CP: variants seen among roughly 807,000 people sequenced by gnomAD.
CP encodes the protein ceruloplasmin.
Under a neutral mutation model 122.4 loss-of-function variants are expected in CP, and 64 were observed. The ratio of observed to expected loss-of-function variants is 0.52; its 90% CI spans 0.43 to 0.64. The LOEUF (loss-of-function observed/expected upper bound fraction) is 0.64. Ranked by LOEUF, CP falls within the 30% of genes least tolerant of loss-of-function variation. CP has a pLI of 0.00. For synonymous variants in CP, 440 were observed against 436.4 expected (o/e 1.01, Z -0.10); for missense variants, 1,167 against 1,284.4 (o/e 0.91, Z 1.40).
At position 149,179,644 on chromosome 3, in the gene CP, A is replaced by G. The variant is rs1212304646; in HGVS notation, c.2573T>C (p.Val858Ala). 6.2e-7 allele frequency: 1 copy of G among 1,613,110 alleles called. No individual in the cohort carries two copies. The highest frequency in any genetic ancestry group is 1.1e-5 in the South Asian group (1 of 91,066). The change falls in exon 15 of 19, where the codon GTA becomes GCA. Residue 858 changes from valine (V) to alanine (A), a missense_variant. By Grantham distance (64) the Val-to-Ala change is moderately conservative. Transcript: ENST00000264613. ...PTLPGETLTYVWKIPERSGAG... is the reference protein window; with the variant it reads ...PTLPGETLTYAWKIPERSGAG... ...TCCAGATCTTTCTGGGATTTTCCAT[A>G]CGTAAGTGAGAGTTTCACCTAAATT...
chr3:149,179,529 T>C, intron 15 of CP, 27 bp downstream of exon 15: 1 of 1,542,394 alleles, frequency 6.5e-7, no homozygotes, highest in South Asian at 1.1e-5. Flanking sequence ...TTGGGAAGTG[T>C]CACAAAACAA....
At chr3:149,213,120 A>G (rs35364670) in intron 1 of CP, among the ~76,000 whole-genome samples, 1,534 of 152,336 alleles carry the variant, frequency 0.01, 24 homozygotes, top group African/African-American at 0.035. Flanking sequence ...TAATTAATCA[A>G]TCTGGATATT....
intron 1 of CP, among the ~76,000 whole-genome samples, chr3:149,215,053 G>A (rs1397722589): frequency 2.0e-5 from 3 of 152,164 alleles, no homozygotes; most frequent in Admixed American, 6.5e-5. Flanking sequence ...TTTTATTTCT[G>A]AGAGATTGAT....
chr3:149,199,566 A>G, intron 8 of CP, 146 bp downstream of exon 8: 1 of 978,136 alleles, frequency 1.0e-6, no homozygotes, highest in East Asian at 2.4e-5. Context: ...GAAGGGGTTT[A>G]TTTGTTTCCT....
intron 14 of CP, chr3:149,180,007 T>C (rs1175538580): frequency 1.8e-5 from 5 of 282,500 alleles, no homozygotes; most frequent in Admixed American, 1.4e-4. Flanking sequence ...TTTCCTAATA[T>C]ACTTTTTTCT....
At chr3:149,219,164 G>C (rs1386121630) in intron 1 of CP, among the ~76,000 whole-genome samples, 1 of 152,188 alleles carries the variant, frequency 6.6e-6, no homozygotes, top group Admixed American at 6.5e-5. Flanking sequence ...CACAGAGAAA[G>C]CAGTCCCACC....
In CP at chr3:149,183,547, C is replaced by A; in HGVS notation, c.2344G>T (p.Val782Phe). ...CTATCAGTATACTGCCGATACACAA[C>A]TTTCTTGTACTTTGAGCCTATGTAA... The part of the protein sequence containing the change: ...EFYIGSKYKK[V>F]VYRQYTDSTF... The change falls in exon 13 of 19, where the codon GTT (valine) becomes TTT (phenylalanine). Residue 782 changes from valine to phenylalanine, a missense_variant. This residue lies in a region of CP where 525 missense variants were observed against 657.2 expected (regional missense o/e 0.80). Coordinates refer to ENST00000264613, the MANE Select transcript of CP (RefSeq NM_000096.4). 1 of 1,609,736 alleles carries A rather than the reference C, an allele frequency of 6.2e-7. No individual in the cohort carries two copies. The highest frequency in any genetic ancestry group is 1.7e-5 in the Admixed American group (1 of 59,956).
In CP at chr3:149,183,513, C is replaced by T. The variant is rs115552500; in HGVS notation, c.2378G>A (p.Arg793His). ...VYRQYTDSTF[R>H]VPVERKAEEE... ...TTCAGCTTTTCTCTCCACTGGAACA[C>T]GGAATGTGCTATCAGTATACTGCCG... The change falls in exon 13 of 19, where the codon CGT (arginine) becomes CAT (histidine). Residue 793 changes from arginine to histidine, a missense_variant. This residue lies in a region of CP where 525 missense variants were observed against 657.2 expected (regional missense o/e 0.80). Transcript: ENST00000264613. The T allele has an allele frequency of 9.9e-3, 15,971 of 1,611,260 alleles. 104 individuals carry two copies. The highest frequency in any genetic ancestry group is 0.019 in the African/African-American group (1,397 of 74,766).
At chr3:149,174,818 G>A (rs1725304538) in intron 18 of CP, among the ~76,000 whole-genome samples, 1 of 152,016 alleles carries the variant, frequency 6.6e-6, no homozygotes, top group Non-Finnish European at 1.5e-5. Context: ...TTTTTATTCA[G>A]TCTGCTGCTT....
chr3:149,186,184 A>G, intron 11 of CP: 1 of 367,336 alleles, frequency 2.7e-6, no homozygotes, highest in Non-Finnish European at 5.2e-6. Flanking sequence ...GTTTAGGTGC[A>G]GAATATTTAT....
intron 5 of CP, chr3:149,162,948 A>G: frequency 8.0e-7 from 1 of 1,253,746 alleles, no homozygotes; most frequent in Non-Finnish European, 1.2e-6. Context: ...CCTTATTTTT[A>G]ATAACTTATT....
In CP at chr3:149,209,399, A is replaced by G. The variant is rs1559957827; in HGVS notation, c.608-15T>C. 1 of 1,610,294 alleles carries G rather than the reference A, an allele frequency of 6.2e-7. No individual in the cohort carries two copies. On this transcript the variant is annotated splice_polypyrimidine_tract_variant and intron_variant, in intron 3 of 18. Coordinates refer to ENST00000264613, the MANE Select transcript of CP (RefSeq NM_000096.4). ...ATCTAGAGAATCTGGAGTTAAAGTT[A>G]CTATTTTAGCAAGACTAAACTTTTA...
chr3:149,178,027 C>T lies in CP; in HGVS notation c.2879-48G>A, dbSNP rs183106861. The T allele has an allele frequency of 5.1e-5, 78 of 1,526,328 alleles. No homozygotes were observed. In the East Asian group the frequency reaches 1.1e-3, roughly 22 times the overall value. 94.5% of individuals were successfully genotyped at this position (1,526,328 alleles called of 1,614,324 possible). On this transcript the variant is annotated intron_variant, in intron 16 of 18. Coordinates refer to ENST00000264613, the MANE Select transcript of CP (RefSeq NM_000096.4). ...TGTTACTTTTCAGGATATTTTAAACCAATAGCTATTTCAAAGAAAATATGA... is the reference window on the plus strand; with the variant it reads ...TGTTACTTTTCAGGATATTTTAAACTAATAGCTATTTCAAAGAAAATATGA...
intron 9 of CP, among the ~76,000 whole-genome samples, chr3:149,197,052 T>C (rs997887341): frequency 6.6e-6 from 1 of 152,122 alleles, no homozygotes; most frequent in Non-Finnish European, 1.5e-5. Context: ...ACTGAGCACC[T>C]TGCGACCCCC....
intron 1 of CP, among the ~76,000 whole-genome samples, chr3:149,216,344 A>G (rs1728454488): frequency 6.6e-6 from 1 of 152,188 alleles, no homozygotes; most frequent in African/African-American, 2.4e-5. Context: ...AATTCAGTTC[A>G]GTGGGGTCAT....
intron 17 of CP, among the ~76,000 whole-genome samples, chr3:149,177,495 T>C (rs544464909): frequency 2.0e-5 from 3 of 152,312 alleles, no homozygotes; most frequent in African/African-American, 7.2e-5. Context: ...TTATATAAAA[T>C]GGCATATTTC....
At chr3:149,216,684 T>C (rs1241455395) in intron 1 of CP, among the ~76,000 whole-genome samples, 1 of 152,142 alleles carries the variant, frequency 6.6e-6, no homozygotes, top group African/African-American at 2.4e-5. Flanking sequence ...ATAACACAAA[T>C]TCAAGTGATT....
At position 149,167,114 on chromosome 3, in the gene CP, C is replaced by T. The variant is rs1724501600; in HGVS notation, c.587-1064G>A. The stretch of plus-strand genomic sequence containing the variant: ...CACTTTCAGAAGACACTATTGCCGG[C>T]CTCAGTGTCCATGTTCTGTGTCGTA... On this transcript the variant is annotated intron_variant, in intron 4 of 5. Transcript: ENST00000479771. 2 of 1,613,860 alleles carry T rather than the reference C, an allele frequency of 1.2e-6. No homozygotes were observed. Among genetic ancestry groups the T allele is most frequent in the African/African-American group, 2.7e-5 (2 of 75,030 alleles).
intron 7 of CP, 87 bp downstream of exon 7, chr3:149,202,015 A>G: frequency 6.5e-7 from 1 of 1,529,930 alleles, no homozygotes; most frequent in Non-Finnish European, 9.1e-7. Flanking sequence ...GAAATCATGC[A>G]GTAGGTCCTG....
Sources: gnomAD v4.1 joint callset for allele counts (sites outside exome capture counted in the v4.1 genomes callset) on GRCh38, gnomAD v4.1.1 for gene constraint, gnomAD v4.1.1 regional missense constraint, MANE v1.5 for transcripts, NCBI Gene and HGNC (gene_info 2026-07-23, HGNC 2026-07-21) for gene names.